Variants in ZNF100 observed in about 807,000 individuals in gnomAD.
ZNF100 encodes the protein zinc finger protein 100, also known as zinc finger protein 100 (Y1).
Under a neutral mutation model 15.8 loss-of-function variants are expected in ZNF100, and 12 were observed. The ratio of observed to expected loss-of-function variants is 0.76; its 90% confidence interval spans 0.49 to 1.23. The LOEUF (loss-of-function observed/expected upper bound fraction) is 1.23, where lower values mean the gene tolerates loss of function less well. Among genes scored for constraint, ZNF100 ranks in the 50% most tolerant of loss-of-function variants. The probability of loss-of-function intolerance (pLI) is 0.00; values close to 1 mark genes in which losing one functional copy is unlikely to be tolerated. For missense variants in ZNF100, 670 were observed against 635.6 expected, an observed-to-expected ratio of 1.05 and a Z score of -0.58; for synonymous variants, 226 against 214.8, an observed-to-expected ratio of 1.05 and a Z score of -0.45.
intron 4 of ZNF100, among the ~76,000 whole-genome samples, chr19:21,739,759 G>A (rs1332992446): frequency 6.6e-6 from 1 of 152,158 alleles, no homozygotes; most frequent in Non-Finnish European, 1.5e-5. Context: ...AGACCTGCTT[G>A]AGCACAGGTG....
chr19:21,749,724 C>G (rs1295495848), intron 2 of ZNF100, among the ~76,000 whole-genome samples: 1 of 152,206 alleles, frequency 6.6e-6, no homozygotes, highest in Non-Finnish European at 1.5e-5. Context: ...CCTGGAGTCT[C>G]TCACATAACT....
chr19:21,738,755 C>A (rs1282736481), intron 4 of ZNF100, among the ~76,000 whole-genome samples: 1 of 152,070 alleles, frequency 6.6e-6, no homozygotes, highest in African/African-American at 2.4e-5. Flanking sequence ...ACCAGCCTGA[C>A]CAACATGGTG....
chr19:21,747,710 A>T lies in ZNF100; in HGVS notation c.97-2643T>A, dbSNP rs547391806. ...TTTATATTATTTGCTGGCTCTTTAA[A>T]GTTTACAGAGGAAACAAAAGGCAGC... On this transcript the variant is annotated intron_variant, in intron 2 of 4. Coordinates refer to ENST00000358296, the MANE Select transcript of ZNF100 (RefSeq NM_173531.4). Among the ~76,000 whole-genome samples the T allele has an allele frequency of 9.9e-4, 151 of 152,360 alleles. 6 individuals are homozygous for T. The South Asian group carries it at 0.03, about 31-fold the overall frequency.
intron 2 of ZNF100, among the ~76,000 whole-genome samples, chr19:21,747,552 T>C (rs1366688512): frequency 6.6e-6 from 1 of 152,198 alleles, no homozygotes; most frequent in African/African-American, 2.4e-5. Context: ...AATGCTGATG[T>C]TGCTCCCCCA....
chr19:21,742,071 C>T (rs1317910500), intron 4 of ZNF100, among the ~76,000 whole-genome samples: 3 of 152,052 alleles, frequency 2.0e-5, no homozygotes, highest in South Asian at 2.1e-4. Flanking sequence ...TGAGGCAGAG[C>T]GATCACTTGA....
intron 2 of ZNF100, among the ~76,000 whole-genome samples, chr19:21,763,317 G>C (rs1473268259): frequency 6.6e-6 from 1 of 152,000 alleles, no homozygotes; most frequent in African/African-American, 2.4e-5. Context: ...ATTGGCTAAG[G>C]CTGGCGTGGT....
intron 4 of ZNF100, among the ~76,000 whole-genome samples, chr19:21,742,595 T>G (rs1391379393): frequency 6.6e-6 from 1 of 152,046 alleles, no homozygotes; most frequent in Admixed American, 6.6e-5. Flanking sequence ...CCATTGTCAA[T>G]GCTTCTATTT....
At chr19:21,742,043 C>T (rs1241587788) in intron 4 of ZNF100, among the ~76,000 whole-genome samples, 1 of 152,014 alleles carries the variant, frequency 6.6e-6, no homozygotes, top group East Asian at 1.9e-4. Context: ...ATGCTGTAAT[C>T]CCAGCACTCT....
At chr19:21,758,020 T>A (rs951060747) in intron 2 of ZNF100, among the ~76,000 whole-genome samples, 2 of 150,766 alleles carry the variant, frequency 1.3e-5, no homozygotes, top group Non-Finnish European at 3.0e-5. Flanking sequence ...TGTGACAGAG[T>A]GAGACACTGT....
Position 21,727,211 on chromosome 19 carries a change from A to T in ZNF100, c.1101T>A (p.His367Gln), listed in dbSNP as rs758553067. The T allele has an allele frequency of 1.2e-6, 2 of 1,613,790 alleles. No homozygotes were observed. Among genetic ancestry groups the T allele is most frequent in the South Asian group, 2.2e-5 (2 of 91,076 alleles). The change falls in exon 5 of 5, where the codon CAT becomes CAA. Residue 367 changes from histidine (H) to glutamine (Q), a missense_variant. His to Gln is a conservative substitution (Grantham distance 24). Coordinates refer to ENST00000358296, the MANE Select transcript of ZNF100 (RefSeq NM_173531.4). ...SSTLTTHKIT[H>Q]AGEKPYKCEE... ...CACATTTGTAAGGTTTCTCTCCAGC[A>T]TGAGTTATCTTATGTGTAGTAAGGG... is the stretch of plus-strand genomic sequence containing the variant.
intron 2 of ZNF100, among the ~76,000 whole-genome samples, chr19:21,755,372 C>A (rs758037199): frequency 2.8e-4 from 42 of 150,340 alleles, no homozygotes; most frequent in Non-Finnish European, 5.8e-4. Flanking sequence ...AAATGCAAAT[C>A]AAAACCACAG....
chr19:21,725,117 T>C lies in ZNF100; in HGVS notation c.*1566A>G, dbSNP rs2035753340. The C allele has an allele frequency of 6.6e-6, 1 of 152,130 alleles. No homozygotes were observed. The highest frequency in any genetic ancestry group is 2.4e-5 in the African/African-American group (1 of 41,430). 9.4% of individuals were successfully genotyped at this position (152,130 alleles called of 1,614,324 possible). A position where few individuals can be genotyped will look rare whatever the true frequency, so the allele number is the denominator to read the frequency against. The stretch of plus-strand genomic sequence containing the variant: ...ATAATATTCTTTAACTTATTTGCAG[T>C]CAAAGCCACTAGCAAAAGAGATTAC... On this transcript the variant is annotated 3_prime_UTR_variant, in exon 5 of 5. Transcript: ENST00000358296.
At chr19:21,739,004 T>G (rs145447870) in intron 4 of ZNF100, among the ~76,000 whole-genome samples, 3 of 152,174 alleles carry the variant, frequency 2.0e-5, no homozygotes, top group African/African-American at 7.2e-5. Flanking sequence ...ATTAATGAAG[T>G]GTAAACTTTC....
intron 4 of ZNF100, among the ~76,000 whole-genome samples, chr19:21,731,195 C>T (rs537319263): frequency 6.6e-6 from 1 of 151,886 alleles, no homozygotes; most frequent in African/African-American, 2.4e-5. Context: ...AATGCCACAT[C>T]TATAGAAACT....
chr19:21,727,817 T>G lies in ZNF100; in HGVS notation c.495A>C (p.Leu165Phe). 6.2e-7 allele frequency: 1 copy of G among 1,613,308 alleles called. No homozygotes were observed. The highest frequency in any genetic ancestry group is 8.5e-7 in the Non-Finnish European group (1 of 1,179,740). Residue 165 changes from leucine (L) to phenylalanine (F), a missense_variant, in exon 5 of 5, where the codon TTA (leucine) becomes TTC (phenylalanine). Coordinates refer to ENST00000358296, the MANE Select transcript of ZNF100 (RefSeq NM_173531.4). ...TCTGGGTAGTTATCAAACACTGGTT[T>G]AATTTGTTATCATGTTCTTTGTGCA... Reference protein sequence around the residue: ...CKVHKEHDNKLNQCLITTQSN... With the variant: ...CKVHKEHDNKFNQCLITTQSN...
At chr19:21,742,636 G>A (rs12972656) in intron 4 of ZNF100, among the ~76,000 whole-genome samples, 1 of 151,856 alleles carries the variant, frequency 6.6e-6, no homozygotes, top group Admixed American at 6.6e-5. Context: ...GTGGCAGAAT[G>A]ATGAGTCAAA....
intron 2 of ZNF100, among the ~76,000 whole-genome samples, chr19:21,761,174 G>A (rs1180674526): frequency 3.3e-5 from 5 of 152,082 alleles, no homozygotes; most frequent in African/African-American, 9.6e-5. Flanking sequence ...TTTTGACTTC[G>A]CCTAAAACAT....
At position 21,723,019 on chromosome 19, in the gene ZNF100, A is replaced by G. The variant is rs1311991053; in HGVS notation, c.*3664T>C. The G allele has an allele frequency of 6.6e-6, 1 of 151,974 alleles. No individual in the cohort carries two copies. Among genetic ancestry groups the G allele is most frequent in the African/African-American group, 2.4e-5 (1 of 41,376 alleles). 9.4% of individuals were successfully genotyped at this position (151,974 alleles called of 1,614,324 possible). ...AATCCGAAAGTTATATTGATAACCAAACTCTCCAGTTAAAAACAATTATTC... is the reference window on the plus strand; with the variant it reads ...AATCCGAAAGTTATATTGATAACCAGACTCTCCAGTTAAAAACAATTATTC... On this transcript the variant is annotated 3_prime_UTR_variant, in exon 5 of 5. Transcript: ENST00000358296.
chr19:21,764,559 G>C, intron 2 of ZNF100, among the ~76,000 whole-genome samples: 1 of 151,766 alleles, frequency 6.6e-6, no homozygotes, highest in South Asian at 2.1e-4. Flanking sequence ...AGAATCACTT[G>C]AACCCGGGAG....
Sources: gnomAD v4.1 joint callset for allele counts (sites outside exome capture counted in the v4.1 genomes callset) on GRCh38, gnomAD v4.1.1 for gene constraint, MANE v1.5 for transcripts, NCBI Gene and HGNC (gene_info 2026-07-23, HGNC 2026-07-21) for gene names.